The following ROR2 variants were observed in gnomAD, a reference collection of about 807,000 sequenced individuals.
The protein encoded by ROR2 is tyrosine-protein kinase transmembrane receptor ROR2.
In ROR2, 33 loss-of-function variants were observed where a neutral mutation model predicts 74.9. The ratio of observed to expected loss-of-function variants is 0.44; its 90% CI spans 0.33 to 0.59. The LOEUF is 0.59. Among genes scored for constraint, ROR2 ranks in the 20% least tolerant of loss-of-function variants. The pLI is 0.02. For synonymous variants in ROR2, 586 were observed against 558.7 expected, an observed-to-expected ratio of 1.05 and a Z score of -0.69; for missense variants, 1,216 against 1,313.8, an observed-to-expected ratio of 0.93 and a Z score of 1.15.
At chr9:91,928,256 G>A (rs893337686) in intron 1 of ROR2, among the ~76,000 whole-genome samples, 6 of 151,984 alleles carry the variant, frequency 3.9e-5, no homozygotes, top group South Asian at 2.1e-4. Flanking sequence ...ATCTGGAACC[G>A]TCCCCCACTG....
At chr9:91,874,957 A>G (rs13299376) in intron 1 of ROR2, among the ~76,000 whole-genome samples, 5 of 152,034 alleles carry the variant, frequency 3.3e-5, no homozygotes, top group Admixed American at 1.3e-4. Context: ...AGGAAAGACA[A>G]CTGAGAACTC....
At chr9:91,765,286 T>C (rs1411611659) in intron 2 of ROR2, among the ~76,000 whole-genome samples, 1 of 152,250 alleles carries the variant, frequency 6.6e-6, no homozygotes, top group Non-Finnish European at 1.5e-5. Flanking sequence ...CTTTCTTTTC[T>C]AGAAGGTCTG....
intron 1 of ROR2, among the ~76,000 whole-genome samples, chr9:91,911,168 G>C (rs1391474316): frequency 6.6e-6 from 1 of 152,196 alleles, no homozygotes; most frequent in Non-Finnish European, 1.5e-5. Context: ...ACAAAATGCA[G>C]TGTTCTACAC....
intron 1 of ROR2, among the ~76,000 whole-genome samples, chr9:91,806,556 T>C (rs1271111914): frequency 6.6e-6 from 1 of 152,120 alleles, no homozygotes; most frequent in East Asian, 1.9e-4. Context: ...GCAAGTTCTA[T>C]TTTGGACCTT....
chr9:91,844,496 C>T (rs16907882), intron 1 of ROR2, among the ~76,000 whole-genome samples: 4,671 of 152,316 alleles, frequency 0.031, 246 homozygotes, highest in African/African-American at 0.11. Flanking sequence ...ATATCAGGCT[C>T]TCTCTGTGTC....
At chr9:91,891,599 A>C (rs1830421651) in intron 1 of ROR2, among the ~76,000 whole-genome samples, 1 of 152,048 alleles carries the variant, frequency 6.6e-6, no homozygotes, top group Non-Finnish European at 1.5e-5. Context: ...AGGCCCAGGG[A>C]AAGAATCTTT....
intron 1 of ROR2, among the ~76,000 whole-genome samples, chr9:91,884,632 G>C (rs1015024254): frequency 6.6e-6 from 1 of 151,994 alleles, no homozygotes; most frequent in African/African-American, 2.4e-5. Context: ...CTGATCTGAC[G>C]ATATCTGACA....
chr9:91,817,486 C>T (rs1304636828), intron 1 of ROR2, among the ~76,000 whole-genome samples: 1 of 152,220 alleles, frequency 6.6e-6, no homozygotes, highest in East Asian at 1.9e-4. Context: ...TGATGGCTGC[C>T]ACCTGCTACA....
intron 2 of ROR2, among the ~76,000 whole-genome samples, chr9:91,761,304 A>G (rs1203152826): frequency 6.6e-6 from 1 of 152,180 alleles, no homozygotes; most frequent in Non-Finnish European, 1.5e-5. Context: ...TGGTTTGGGG[A>G]TAATTCAAGA....
At chr9:91,756,766 T>C (rs1331407641) in intron 3 of ROR2, among the ~76,000 whole-genome samples, 1 of 111,858 alleles carries the variant, frequency 8.9e-6, no homozygotes, top group Non-Finnish European at 1.7e-5. Flanking sequence ...TTTTTTTTTT[T>C]TGAGACAGAG....
At chr9:91,810,910 A>C (rs964057494) in intron 1 of ROR2, among the ~76,000 whole-genome samples, 23 of 152,364 alleles carry the variant, frequency 1.5e-4, no homozygotes, top group African/African-American at 5.3e-4. Context: ...CTAGGACCTA[A>C]GCCCCACCTG....
chr9:91,777,410 C>CCCAT (rs967004423), intron 1 of ROR2, among the ~76,000 whole-genome samples: 10 of 150,946 alleles, frequency 6.6e-5, no homozygotes, highest in South Asian at 2.1e-4. Flanking sequence ...CACACACACC[C>CCCAT]CATCATCATC....
At chr9:91,778,838 AC>A (rs1826511434) in intron 1 of ROR2, among the ~76,000 whole-genome samples, 1 of 152,154 alleles carries the variant, frequency 6.6e-6, no homozygotes, top group Admixed American at 6.5e-5. Context: ...GGGAAACTCA[AC>A]CCTTGGGTAG....
chr9:91,830,134 T>C (rs1041260688), intron 1 of ROR2, among the ~76,000 whole-genome samples: 14 of 152,232 alleles, frequency 9.2e-5, no homozygotes, highest in Non-Finnish European at 1.2e-4. Context: ...GAGTTTTTCC[T>C]TTCTTTACAC....
intron 1 of ROR2, among the ~76,000 whole-genome samples, chr9:91,946,059 A>G (rs1306582738): frequency 6.6e-6 from 1 of 152,210 alleles, no homozygotes; most frequent in Non-Finnish European, 1.5e-5. Flanking sequence ...TTGTGGGGCA[A>G]AGCAGAACCT....
At chr9:91,882,318 G>A (rs991689209) in intron 1 of ROR2, among the ~76,000 whole-genome samples, 1 of 151,820 alleles carries the variant, frequency 6.6e-6, no homozygotes, top group Non-Finnish European at 1.5e-5. Context: ...GGCTGAGGCA[G>A]GAGAATCACT....
At chr9:91,925,693 CA>C (rs1487073763) in intron 1 of ROR2, among the ~76,000 whole-genome samples, 4 of 152,184 alleles carry the variant, frequency 2.6e-5, no homozygotes, top group Non-Finnish European at 5.9e-5. Flanking sequence ...AACTCAAATA[CA>C]GAGTAACAGC....
intron 1 of ROR2, among the ~76,000 whole-genome samples, chr9:91,928,226 A>G (rs1831460939): frequency 6.6e-6 from 1 of 152,008 alleles, no homozygotes; most frequent in South Asian, 2.1e-4. Flanking sequence ...AAAGCCTGCC[A>G]ACAAGAGTCA....
intron 1 of ROR2, among the ~76,000 whole-genome samples, chr9:91,796,005 C>T (rs1304390865): frequency 6.6e-6 from 1 of 152,196 alleles, no homozygotes; most frequent in Non-Finnish European, 1.5e-5. Context: ...GCTGGTGGCA[C>T]TCCCAGGCAA....
Sources: gnomAD v4.1 joint callset for allele counts (sites outside exome capture counted in the v4.1 genomes callset) on GRCh38, gnomAD v4.1.1 for gene constraint, MANE v1.5 for transcripts, NCBI Gene and HGNC (gene_info 2026-07-23, HGNC 2026-07-21) for gene names.